Variants in FMNL2 observed in about 807,000 individuals in gnomAD.
The protein encoded by FMNL2 is formin like 2.
FMNL2 carries 51 observed loss-of-function variants against 130.2 expected under a neutral mutation model. The observed-to-expected ratio is 0.39, with a 90% CI of 0.31 to 0.49. The LOEUF (loss-of-function observed/expected upper bound fraction) is 0.49. Ranked by LOEUF, FMNL2 falls within the 20% of genes least tolerant of loss-of-function variation. The pLI, the probability that FMNL2 is intolerant of heterozygous loss-of-function variation, is 0.85. For synonymous variants in FMNL2, 465 were observed against 467.1 expected (o/e 1.00, Z 0.06); for missense variants, 977 against 1,316.2 (o/e 0.74, Z 3.99).
intron 1 of FMNL2, among the ~76,000 whole-genome samples, chr2:152,448,906 A>G (rs1688494005): frequency 6.6e-6 from 1 of 152,228 alleles, no homozygotes; most frequent in South Asian, 2.1e-4. Flanking sequence ...AGTCTCTGAA[A>G]TACAGAACTG....
intron 2 of FMNL2, among the ~76,000 whole-genome samples, chr2:152,540,621 C>T (rs1694256167): frequency 7.1e-6 from 1 of 139,946 alleles, no homozygotes; most frequent in South Asian, 2.2e-4. Flanking sequence ...AAGATTATCT[C>T]ATAGGTGGGA....
chr2:152,537,096 A>C (rs570589950), intron 2 of FMNL2, among the ~76,000 whole-genome samples: 1 of 152,356 alleles, frequency 6.6e-6, no homozygotes, highest in East Asian at 1.9e-4. Context: ...GGACGAACCA[A>C]AGAAACAGTT....
At chr2:152,562,851 T>A (rs1009157810) in intron 6 of FMNL2, among the ~76,000 whole-genome samples, 7 of 152,240 alleles carry the variant, frequency 4.6e-5, no homozygotes, top group African/African-American at 1.4e-4. Context: ...AGTTTAACTG[T>A]AATTATTTGT....
At chr2:152,483,374 A>T (rs1387855389) in intron 1 of FMNL2, among the ~76,000 whole-genome samples, 2 of 152,050 alleles carry the variant, frequency 1.3e-5, no homozygotes, top group African/African-American at 2.4e-5. Context: ...TTACAGACAC[A>T]TTAAAAAAAA....
intron 23 of FMNL2, among the ~76,000 whole-genome samples, chr2:152,639,677 C>T (rs1323159547): frequency 1.3e-5 from 2 of 152,104 alleles, no homozygotes; most frequent in Admixed American, 6.5e-5. Flanking sequence ...TAGGTGCCCA[C>T]CAGTGTGTGG....
rs767828036 is a variant in FMNL2, at chr2:152,437,473, C to T, written c.118-84470C>T. Among the ~76,000 whole-genome samples, 14 of 152,248 alleles carry T rather than the reference C, an allele frequency of 9.2e-5. No individual in the cohort carries two copies. In the East Asian group the frequency reaches 1.5e-3, roughly 17 times the overall value. On this transcript the variant is annotated intron_variant, in intron 1 of 25. Transcript: ENST00000288670. ...GTGGTAGAAGAATAATAATGCACCC[C>T]CCCTGCGGTGAAAAAGATGCTCTAG...
In FMNL2 at chr2:152,582,347, A is replaced by T. The variant is rs77630649; in HGVS notation, c.876+1298A>T. On this transcript the variant is annotated intron_variant, in intron 9 of 25. Transcript: ENST00000288670. Reference sequence around the variant, plus strand: ...TAGACACCAGCCTGTGAGCCTCTGCATAGGCTGGGAAGCTTCAAAGATGTG... The same window carrying T: ...TAGACACCAGCCTGTGAGCCTCTGCTTAGGCTGGGAAGCTTCAAAGATGTG... Among the ~76,000 whole-genome samples, 2,638 of 152,330 alleles carry T rather than the reference A, an allele frequency of 0.017. 124 individuals are homozygous for T. The East Asian group carries it at 0.19, about 11-fold the overall frequency.
intron 3 of FMNL2, among the ~76,000 whole-genome samples, chr2:152,547,824 A>G (rs1694727093): frequency 6.6e-6 from 1 of 152,226 alleles, no homozygotes; most frequent in South Asian, 2.1e-4. Context: ...ACAGTGTGAC[A>G]TAAAGGTGGT....
intron 6 of FMNL2, among the ~76,000 whole-genome samples, chr2:152,573,713 A>G (rs1439868310): frequency 6.6e-6 from 1 of 152,222 alleles, no homozygotes; most frequent in African/African-American, 2.4e-5. Context: ...ATATAAACAA[A>G]TAATTGGAGA....
At chr2:152,636,897 C>T (rs539097744) in intron 22 of FMNL2, among the ~76,000 whole-genome samples, 7 of 152,220 alleles carry the variant, frequency 4.6e-5, no homozygotes, top group South Asian at 2.1e-4. Flanking sequence ...GGCCTGTGCT[C>T]GGCAAAGCAG....
intron 2 of FMNL2, among the ~76,000 whole-genome samples, chr2:152,536,908 C>A (rs1694021729): frequency 1.3e-5 from 2 of 152,160 alleles, no homozygotes; most frequent in African/African-American, 2.4e-5. Context: ...GAGTCTAGCT[C>A]ACACCAAATT....
At chr2:152,490,943 C>T (rs955770006) in intron 1 of FMNL2, among the ~76,000 whole-genome samples, 5 of 152,060 alleles carry the variant, frequency 3.3e-5, no homozygotes, top group African/African-American at 1.2e-4. Flanking sequence ...ATTTGTATTC[C>T]TTCCATCTTG....
At chr2:152,578,863 C>CTT in intron 7 of FMNL2, 25 bp from the exon 8 acceptor site, 3 of 1,567,914 alleles carry the variant, frequency 1.9e-6, no homozygotes, top group Admixed American at 1.8e-5. Flanking sequence ...CTTTGTGTTT[C>CTT]TTTTTTTTTC....
intron 1 of FMNL2, among the ~76,000 whole-genome samples, chr2:152,364,682 C>G (rs1319084072): frequency 3.9e-5 from 6 of 152,138 alleles, no homozygotes; most frequent in African/African-American, 7.2e-5. Context: ...TGGAATTAGC[C>G]TGTGACTTTG....
Position 152,618,726 on chromosome 2 carries a change from C to G in FMNL2, c.1315-120C>G. On this transcript the variant is annotated intron_variant, in intron 13 of 25. Transcript: ENST00000288670. ...GGACTTTATAGGTTCTAGCTGAATT[C>G]CAAAGAATTCCCATTCATATGAGTA... is the stretch of plus-strand genomic sequence containing the variant. The G allele has an allele frequency of 2.4e-6, 2 of 836,800 alleles. 1 individual carries two copies. Among genetic ancestry groups the G allele is most frequent in the Non-Finnish European group, 3.6e-6 (2 of 552,032 alleles). 51.8% of individuals were successfully genotyped at this position (836,800 alleles called of 1,614,324 possible). A position where few individuals can be genotyped will look rare whatever the true frequency, so the allele number is the denominator to read the frequency against.
chr2:152,596,091 C>T (rs558658686), intron 9 of FMNL2, among the ~76,000 whole-genome samples: 2 of 151,430 alleles, frequency 1.3e-5, no homozygotes, highest in East Asian at 1.9e-4. Context: ...GCCTCCAGAA[C>T]GGCTGGGATT....
intron 1 of FMNL2, among the ~76,000 whole-genome samples, chr2:152,399,046 C>T (rs1685544101): frequency 6.6e-6 from 1 of 152,148 alleles, no homozygotes; most frequent in Non-Finnish European, 1.5e-5. Context: ...GGGTGCTGCC[C>T]CAGAGCAGCA....
chr2:152,409,772 C>A (rs940953438), intron 1 of FMNL2, among the ~76,000 whole-genome samples: 1 of 152,128 alleles, frequency 6.6e-6, no homozygotes, highest in African/African-American at 2.4e-5. Flanking sequence ...CTTACAGTCA[C>A]CATTTTCAGA....
At chr2:152,366,473 G>T (rs1195458174) in intron 1 of FMNL2, among the ~76,000 whole-genome samples, 1 of 67,368 alleles carries the variant, frequency 1.5e-5, no homozygotes, top group African/African-American at 4.0e-5. Flanking sequence ...TAAAATGTTT[G>T]CCAACAACAA....
Sources: gnomAD v4.1 joint callset for allele counts (sites outside exome capture counted in the v4.1 genomes callset) on GRCh38, gnomAD v4.1.1 for gene constraint, MANE v1.5 for transcripts, NCBI Gene and HGNC (gene_info 2026-07-23, HGNC 2026-07-21) for gene names.